Variants in UNC79 observed in about 807,000 individuals in gnomAD.
UNC79 encodes protein unc-79 homolog.
Under a neutral mutation model 283.1 loss-of-function variants are expected in UNC79, and 37 were observed. That is an observed-to-expected ratio of 0.13 (90% CI 0.10 to 0.17). The LOEUF is 0.17. UNC79 is among the 10% of genes least tolerant of loss of function. The pLI, the probability that UNC79 is intolerant of heterozygous loss-of-function variation, is 1.00. For synonymous variants in UNC79, 1,107 were observed against 1,200.2 expected (o/e 0.92, Z 1.61); for missense variants, 2,272 against 3,211.1 (o/e 0.71, Z 7.07).
intron 1 of UNC79, among the ~76,000 whole-genome samples, chr14:93,402,400 A>G (rs2055129397): frequency 6.6e-6 from 1 of 151,616 alleles, no homozygotes; most frequent in South Asian, 2.1e-4. Context: ...CCTAAAACTA[A>G]AGTATATTTG....
chr14:93,660,520 C>CATATATATATATATATATATAT (rs57703735), intron 39 of UNC79, among the ~76,000 whole-genome samples: 2 of 48,730 alleles, frequency 4.1e-5, no homozygotes, highest in Non-Finnish European at 3.8e-5. Flanking sequence ...AAGACAATAG[C>CATATATATATATATATATATAT]ATATATATAT....
intron 7 of UNC79, among the ~76,000 whole-genome samples, chr14:93,521,583 A>T (rs984426250): frequency 1.3e-5 from 2 of 151,746 alleles, no homozygotes; most frequent in African/African-American, 4.8e-5. Context: ...GGCTCACTGC[A>T]TTATTTCTCT....
intron 39 of UNC79, among the ~76,000 whole-genome samples, chr14:93,659,615 T>C (rs529834338): frequency 2.0e-5 from 3 of 152,342 alleles, no homozygotes; most frequent in Non-Finnish European, 4.4e-5. Flanking sequence ...TTCCTTAATG[T>C]GGTATCTAAG....
chr14:93,650,607 G>A (rs2070145814), intron 35 of UNC79, among the ~76,000 whole-genome samples: 4 of 152,058 alleles, frequency 2.6e-5, no homozygotes. Context: ...AGAAGTGTCT[G>A]GTCAAATCTT....
intron 1 of UNC79, among the ~76,000 whole-genome samples, chr14:93,388,840 G>A (rs1030453749): frequency 7.2e-5 from 11 of 152,100 alleles, no homozygotes; most frequent in African/African-American, 2.7e-4. Flanking sequence ...TGGAACAGTT[G>A]GAAGTAATAT....
intron 29 of UNC79, 105 bp downstream of exon 30, chr14:93,618,459 T>C: frequency 9.5e-7 from 1 of 1,048,624 alleles, no homozygotes; most frequent in Non-Finnish European, 1.2e-6. Flanking sequence ...CATTCTGGAG[T>C]AAAAAAAAAA....
intron 1 of UNC79, among the ~76,000 whole-genome samples, chr14:93,377,243 C>G (rs2054579896): frequency 6.6e-6 from 1 of 151,952 alleles, no homozygotes; most frequent in African/African-American, 2.4e-5. Context: ...GCGCCCGCCA[C>G]CATGCCTGGC....
rs2075067760 is a variant in UNC79, at chr14:93,695,890, C to CAAAAAACAAAAAAAAAAAAAAAA, written c.7548+1484_7548+1485insCAAAAAAAAAAAAAAAAAAAAAA. ...TGGGCAACAGGATGAGACTTTGTCTCAAAAAAAAAAAAAAAAAAAAGCAAA... is the reference window on the plus strand; with the variant it reads ...TGGGCAACAGGATGAGACTTTGTCTCAAAAAACAAAAAAAAAAAAAAAAAAAAAAAAAAAAAAAAAAAAGCAAA... On this transcript the variant is annotated intron_variant, in intron 47 of 48. Transcript: ENST00000555664. Among the ~76,000 whole-genome samples, 2 of 39,440 alleles carry CAAAAAACAAAAAAAAAAAAAAAA rather than the reference C, an allele frequency of 5.1e-5. 1 individual carries two copies. The allele number at this position is 39,440 out of a possible 152,430, so 25.9% of individuals were successfully genotyped here. A position where few individuals can be genotyped will look rare whatever the true frequency, so the allele number is the denominator to read the frequency against.
intron 1 of UNC79, among the ~76,000 whole-genome samples, chr14:93,363,435 A>T (rs1404331505): frequency 6.6e-6 from 1 of 152,144 alleles, no homozygotes; most frequent in African/African-American, 2.4e-5. Flanking sequence ...GAATGCATAT[A>T]CTGTTGTTGT....
intron 40 of UNC79, among the ~76,000 whole-genome samples, chr14:93,668,999 AAAAG>A (rs1263431407): frequency 6.6e-6 from 1 of 150,728 alleles, no homozygotes; most frequent in East Asian, 1.9e-4. Flanking sequence ...AAAAAAAAAA[AAAAG>A]AATATGCAAG....
chr14:93,380,226 T>G (rs1042377662), intron 1 of UNC79, among the ~76,000 whole-genome samples: 3 of 152,236 alleles, frequency 2.0e-5, no homozygotes, highest in African/African-American at 7.2e-5. Context: ...CAAGATATAA[T>G]ATTCAATTCC....
Position 93,347,961 on chromosome 14 carries a change from T to C in UNC79, c.-351+14438T>C. The C allele has an allele frequency of 5.2e-6, 5 of 958,140 alleles. No individual in the cohort carries two copies. The Admixed American group carries it at 8.9e-5, about 17-fold the overall frequency. The allele number at this position is 958,140 out of a possible 1,614,324, so 59.4% of individuals were successfully genotyped here. On this transcript the variant is annotated intron_variant, in intron 1 of 49. Transcript: ENST00000256339. ...CTCAAAATGTTTTTTTTAAGCACTT[T>C]TTGTTAGGCAGCAAGTCACTGGCCT...
At chr14:93,675,697 T>G (rs968345996) in intron 41 of UNC79, among the ~76,000 whole-genome samples, 32 of 152,216 alleles carry the variant, frequency 2.1e-4, no homozygotes, top group African/African-American at 7.5e-4. Context: ...TGAGTTTTTC[T>G]CAAAGGCTTG....
chr14:93,410,835 T>A (rs1268950042), intron 1 of UNC79, among the ~76,000 whole-genome samples: 2 of 152,110 alleles, frequency 1.3e-5, no homozygotes, highest in East Asian at 1.9e-4. Flanking sequence ...GGGCCGTAGG[T>A]GAAACTGAGA....
At chr14:93,650,239 G>A (rs919843590) in intron 35 of UNC79, among the ~76,000 whole-genome samples, 4 of 151,782 alleles carry the variant, frequency 2.6e-5, no homozygotes, top group Admixed American at 6.6e-5. Context: ...TTTCAGTTGG[G>A]GGGTATAAAA....
chr14:93,621,898 G>A lies in UNC79; in HGVS notation c.4665G>A (p.Arg1555=), dbSNP rs748451050. 23 of 1,614,088 alleles carry A rather than the reference G, an allele frequency of 1.4e-5. No homozygotes were observed. Among genetic ancestry groups the A allele is most frequent in the Non-Finnish European group, 1.9e-5 (22 of 1,180,018 alleles). ...GTTCTAGACAGAACTCTGCTACGAGGCCTGACAATAGTGAAATCCCCGAGA... is the reference window on the plus strand; with the variant it reads ...GTTCTAGACAGAACTCTGCTACGAGACCTGACAATAGTGAAATCCCCGAGA... Residue 1555 remains arginine, a synonymous_variant, in exon 30 of 49, where the codon AGG becomes AGA. Coordinates refer to ENST00000555664, the Ensembl canonical transcript of UNC79. This position sits in a 1 kb window ranked among gnomAD's most constrained non-coding sequence, Gnocchi z 4.8.
At chr14:93,547,508 T>G (rs921290701) in intron 14 of UNC79, among the ~76,000 whole-genome samples, 1 of 152,244 alleles carries the variant, frequency 6.6e-6, no homozygotes, top group Non-Finnish European at 1.5e-5. Flanking sequence ...AGTACTTGAT[T>G]AACCAACATT....
intron 1 of UNC79, among the ~76,000 whole-genome samples, chr14:93,352,929 G>A (rs2139917498): frequency 6.6e-6 from 1 of 152,318 alleles, no homozygotes; most frequent in East Asian, 1.9e-4. Context: ...ATCAAGTGCT[G>A]TTTTAAATGG....
intron 47 of UNC79, among the ~76,000 whole-genome samples, 165 bp from the exon 51 acceptor site, chr14:93,704,460 G>T (rs976807965): frequency 6.6e-6 from 1 of 152,220 alleles, no homozygotes; most frequent in Non-Finnish European, 1.5e-5. Flanking sequence ...GCGGGGTTTG[G>T]CCTCAGAAAG....
Sources: allele counts gnomAD v4.1 joint callset (sites outside exome capture counted in the v4.1 genomes callset), GRCh38; gene constraint gnomAD v4.1.1; non-coding constraint Gnocchi (gnomAD v3.1); transcripts MANE v1.5; gene names NCBI Gene and HGNC (gene_info 2026-07-23, HGNC 2026-07-21).